Variants in EPHA7 observed in about 807,000 individuals in gnomAD.
The protein encoded by EPHA7 is EPH receptor A7, also known as ephrin type-A receptor 7.
EPHA7 carries 25 observed loss-of-function variants against 112.6 expected under a neutral mutation model. The ratio of observed to expected loss-of-function variants is 0.22; its 90% CI spans 0.16 to 0.31. The LOEUF (loss-of-function observed/expected upper bound fraction) is 0.31. Among genes scored for constraint, EPHA7 ranks in the 10% least tolerant of loss-of-function variants. The pLI, the probability that EPHA7 is intolerant of heterozygous loss-of-function variation, is 1.00. For synonymous variants in EPHA7, 437 were observed against 406.5 expected (o/e 1.07, Z -0.90); for missense variants, 962 against 1,212.6 (o/e 0.79, Z 3.07).
chr6:93,358,726 A>G (rs1776088716), intron 3 of EPHA7, among the ~76,000 whole-genome samples: 1 of 152,214 alleles, frequency 6.6e-6, no homozygotes, highest in African/African-American at 2.4e-5. Context: ...CCGATATATA[A>G]TTCAAATTTA....
rs779604887 is a variant in EPHA7 at position 93,414,777 on chromosome 6, A to C, written c.98-10T>G. The C allele has an allele frequency of 3.1e-6, 5 of 1,610,936 alleles. No individual in the cohort carries two copies. Among genetic ancestry groups the C allele is most frequent in the Middle Eastern group, 3.3e-4 (2 of 6,074 alleles). ...GAATCCAGCAGTAGTACTGAAAAAG[A>C]AAGTTGTATTTCCATATGTTACATG... On this transcript the variant is annotated splice_polypyrimidine_tract_variant and intron_variant, in intron 1 of 16. Transcript: ENST00000369303.
At chr6:93,379,045 A>G (rs1485909312) in intron 3 of EPHA7, among the ~76,000 whole-genome samples, 2 of 152,190 alleles carry the variant, frequency 1.3e-5, no homozygotes, top group Non-Finnish European at 2.9e-5. Context: ...TGAAATGAAT[A>G]AAATTATAAA....
At chr6:93,391,538 G>T (rs536788891) in intron 3 of EPHA7, among the ~76,000 whole-genome samples, 4 of 151,886 alleles carry the variant, frequency 2.6e-5, no homozygotes, top group African/African-American at 9.6e-5. Context: ...GCCTGAACAT[G>T]GCAAAACTAA....
At chr6:93,323,743 T>C (rs1774184062) in intron 5 of EPHA7, among the ~76,000 whole-genome samples, 1 of 151,468 alleles carries the variant, frequency 6.6e-6, no homozygotes, top group Admixed American at 6.6e-5. Context: ...TGCTGCTCTT[T>C]AGCATCTTTC....
intron 5 of EPHA7, among the ~76,000 whole-genome samples, chr6:93,342,433 A>T (rs78901377): frequency 1.8e-4 from 28 of 151,840 alleles, no homozygotes; most frequent in Non-Finnish European, 4.0e-4. Context: ...GTATCACTCT[A>T]TGCTCATACT....
chr6:93,284,667 TA>T (rs1405407958), intron 5 of EPHA7, among the ~76,000 whole-genome samples: 1 of 151,990 alleles, frequency 6.6e-6, no homozygotes, highest in Non-Finnish European at 1.5e-5. Context: ...TATGAAGCCA[TA>T]AAAAAGGATA....
intron 3 of EPHA7, among the ~76,000 whole-genome samples, chr6:93,398,161 A>G (rs899420447): frequency 1.3e-5 from 2 of 151,996 alleles, no homozygotes; most frequent in African/African-American, 4.8e-5. Flanking sequence ...TATTATTTGT[A>G]TATTCTTATT....
intron 5 of EPHA7, among the ~76,000 whole-genome samples, chr6:93,282,793 C>T (rs1771821771): frequency 6.6e-6 from 1 of 152,184 alleles, no homozygotes; most frequent in South Asian, 2.1e-4. Flanking sequence ...CCTGGGCCAG[C>T]AGCTGCTGTG....
At chr6:93,391,523 A>T (rs893939552) in intron 3 of EPHA7, among the ~76,000 whole-genome samples, 2 of 151,966 alleles carry the variant, frequency 1.3e-5, no homozygotes, top group East Asian at 3.9e-4. Flanking sequence ...GGACCAAGGC[A>T]AGGAGCCTGA....
intron 5 of EPHA7, among the ~76,000 whole-genome samples, chr6:93,329,337 T>C (rs544352739): frequency 6.6e-6 from 1 of 151,616 alleles, no homozygotes. Flanking sequence ...AATCGTTATT[T>C]ATTTCAAACA....
At chr6:93,269,771 T>C (rs895388764) in intron 6 of EPHA7, 111 bp from the exon 7 acceptor site, 2 of 819,664 alleles carry the variant, frequency 2.4e-6, no homozygotes, top group South Asian at 2.4e-5. Flanking sequence ...AGAGGCTACA[T>C]TGTACTTTGT....
chr6:93,362,007 T>C (rs921806606), intron 3 of EPHA7, among the ~76,000 whole-genome samples: 1 of 152,146 alleles, frequency 6.6e-6, no homozygotes, highest in Non-Finnish European at 1.5e-5. Flanking sequence ...TTAATTACTT[T>C]TGTAAAAATA....
chr6:93,370,271 G>T (rs1289777402), intron 3 of EPHA7, among the ~76,000 whole-genome samples: 1 of 152,070 alleles, frequency 6.6e-6, no homozygotes, highest in East Asian at 1.9e-4. Flanking sequence ...AAAATTTAAA[G>T]AATAATAGTT....
chr6:93,339,504 T>C (rs565874442), intron 5 of EPHA7, among the ~76,000 whole-genome samples: 1 of 151,940 alleles, frequency 6.6e-6, no homozygotes, highest in Admixed American at 6.6e-5. Flanking sequence ...TTTTTTCATA[T>C]ATTGCTTCAT....
At chr6:93,324,366 T>G (rs992974317) in intron 5 of EPHA7, among the ~76,000 whole-genome samples, 2 of 151,396 alleles carry the variant, frequency 1.3e-5, no homozygotes, top group African/African-American at 4.8e-5. Context: ...AAAATAAAAT[T>G]GATCCTCATA....
At chr6:93,247,428 A>G (rs372552486) in intron 14 of EPHA7, among the ~76,000 whole-genome samples, 3 of 152,244 alleles carry the variant, frequency 2.0e-5, no homozygotes, top group African/African-American at 7.2e-5. Context: ...GCAAAATAAT[A>G]TGAATGTACT....
At position 93,258,273 on chromosome 6, in the gene EPHA7, C is replaced by T. The variant is rs534228190; in HGVS notation, c.1936G>A (p.Glu646Lys). The T allele has an allele frequency of 6.3e-7, 1 of 1,592,726 alleles. No individual in the cohort carries two copies. Among genetic ancestry groups the T allele is most frequent in the East Asian group, 2.2e-5 (1 of 44,516 alleles). ...ERVIGAGEFG[E>K]VCSGRLKLPG... is the part of the protein sequence containing the mutation. Reference sequence around the variant, plus strand: ...AGTTTCAAACGGCCACTGCAGACTTCACCGAATTCTCCTGAAGTAACAGAA... The same window carrying T: ...AGTTTCAAACGGCCACTGCAGACTTTACCGAATTCTCCTGAAGTAACAGAA... The change falls in exon 11 of 17, where the codon GAA becomes AAA. Residue 646 changes from glutamate to lysine, a missense_variant. Glu to Lys is a moderately conservative substitution (Grantham distance 56). Around this residue, in one of 3 missense-constraint regions of EPHA7, gnomAD observed 746 missense variants for 889.2 expected, o/e 0.84. Coordinates refer to ENST00000369303, the MANE Select transcript of EPHA7 (RefSeq NM_004440.4).
chr6:93,382,159 C>G (rs766185319), intron 3 of EPHA7, among the ~76,000 whole-genome samples: 1 of 152,082 alleles, frequency 6.6e-6, no homozygotes, highest in Non-Finnish European at 1.5e-5. Context: ...ATTATGTAGA[C>G]GAGTGGTCCC....
chr6:93,358,526 T>C, intron 3 of EPHA7, 115 bp from the exon 4 acceptor site: 1 of 817,926 alleles, frequency 1.2e-6, no homozygotes, highest in South Asian at 2.5e-5. Context: ...TAAAACAAGC[T>C]CTTGATGATA....
Sources: gnomAD v4.1 joint callset for allele counts (sites outside exome capture counted in the v4.1 genomes callset) on GRCh38, gnomAD v4.1.1 for gene constraint, gnomAD v4.1.1 regional missense constraint, MANE v1.5 for transcripts, NCBI Gene and HGNC (gene_info 2026-07-23, HGNC 2026-07-21) for gene names.